SEMA3G: variants seen among roughly 807,000 people sequenced by gnomAD.
The protein encoded by SEMA3G is semaphorin-3G.
A neutral mutation model predicts 86.2 loss-of-function variants in SEMA3G; 70 were observed. That is an observed-to-expected ratio of 0.81 (90% CI 0.67 to 0.99). The LOEUF (loss-of-function observed/expected upper bound fraction) is 0.99. Among genes scored for constraint, SEMA3G ranks in the 50% least tolerant of loss-of-function variants. SEMA3G has a pLI of 0.00. For synonymous variants in SEMA3G, 416 were observed against 441.4 expected (o/e 0.94, Z 0.72); for missense variants, 1,002 against 1,072.4 (o/e 0.93, Z 0.92).
intron 9 of SEMA3G, 49 bp downstream of exon 9, chr3:52,440,705 G>A (rs1265277046): frequency 6.4e-7 from 1 of 1,556,904 alleles, no homozygotes; most frequent in East Asian, 2.3e-5. Context: ...ACCGAATCAG[G>A]GACAAAGACA....
At position 52,440,513 on chromosome 3, in the gene SEMA3G, A is replaced by T. The variant is rs202243271; in HGVS notation, c.1007T>A (p.Phe336Tyr). ...YALFSTVSAV[F>Y]QGFAVCVYHM... ...GTACACACAGACGGCGAAGCCCTGG[A>T]ACACGGCACTGCCGGGGCACATGGG... The change falls in exon 10 of 16, where the codon TTC becomes TAC. Residue 336 changes from phenylalanine (F) to tyrosine (Y), a missense_variant. Phe to Tyr is a conservative substitution (Grantham distance 22). Coordinates refer to ENST00000231721, the MANE Select transcript of SEMA3G (RefSeq NM_020163.3). 1.3e-5 allele frequency: 21 copies of T among 1,609,454 alleles called. No individual in the cohort carries two copies. Among genetic ancestry groups the T allele is most frequent in the Non-Finnish European group, 8.5e-7 (1 of 1,178,576 alleles).
At chr3:52,440,126 G>A in intron 10 of SEMA3G, 28 bp from the exon 11 acceptor site, 3 of 1,519,274 alleles carry the variant, frequency 2.0e-6, no homozygotes, top group Middle Eastern at 1.8e-4. Flanking sequence ...GGGAGTGCCT[G>A]AAGTATCCTG....
Position 52,444,859 on chromosome 3 carries a change from G to A in SEMA3G, c.115+54C>T, listed in dbSNP as rs904047035. 7.3e-6 allele frequency: 9 copies of A among 1,228,792 alleles called. No individual in the cohort carries two copies. The African/African-American group carries it at 8.0e-5, about 11-fold the overall frequency. 76.1% of individuals were successfully genotyped at this position (1,228,792 alleles called of 1,614,324 possible). On this transcript the variant is annotated intron_variant, in intron 1 of 15. Coordinates refer to ENST00000231721, the MANE Select transcript of SEMA3G (RefSeq NM_020163.3). ...CACGGCACATGCACCCAAACAGAGC[G>A]CACACACACAAACAGGGCACATGCA...
intron 12 of SEMA3G, 82 bp from the exon 13 acceptor site, chr3:52,439,043 C>G: frequency 6.7e-7 from 1 of 1,495,118 alleles, no homozygotes; most frequent in Non-Finnish European, 9.1e-7. Context: ...TCCTCCAACC[C>G]TGGGGTGGGA....
rs1419372302 is a variant in SEMA3G at position 52,440,099 on chromosome 3, C to T, written c.1144-1G>A. The T allele has an allele frequency of 1.0e-5, 16 of 1,572,460 alleles. No homozygotes were observed. Among genetic ancestry groups the T allele is most frequent in the African/African-American group, 1.4e-5 (1 of 73,864 alleles). On this transcript the variant is annotated splice_acceptor_variant, in intron 10 of 15. Coordinates refer to ENST00000231721, the MANE Select transcript of SEMA3G (RefSeq NM_020163.3). LOFTEE classifies it high-confidence loss of function. ...GCTGTGCGGTCATCTTGCTGGGGCACTGTGGGCAGCAGGGAAGGGAGTGCC... is the reference window on the plus strand; with the variant it reads ...GCTGTGCGGTCATCTTGCTGGGGCATTGTGGGCAGCAGGGAAGGGAGTGCC...
Position 52,435,391 on chromosome 3 carries a change from G to C in SEMA3G, c.*212C>G, listed in dbSNP as rs1314875903. ...CAGCAGCCAGAGGGTGCTGGCTCCA[G>C]CTGGGTCTAAGAGCACAGAGAAGGG... is the stretch of plus-strand genomic sequence containing the variant. On this transcript the variant is annotated 3_prime_UTR_variant, in exon 16 of 16. Transcript: ENST00000231721. 1.7e-6 allele frequency: 1 copy of C among 582,880 alleles called. No individual in the cohort carries two copies. The highest frequency in any genetic ancestry group is 3.0e-6 in the Non-Finnish European group (1 of 329,360). 36.1% of individuals were successfully genotyped at this position (582,880 alleles called of 1,614,324 possible).
intron 1 of SEMA3G, chr3:52,443,114 C>T: frequency 1.4e-6 from 2 of 1,425,116 alleles, no homozygotes; most frequent in Non-Finnish European, 1.9e-6. Context: ...CCACCTGGCC[C>T]AGCCTACCCT....
chr3:52,440,575 G>A (rs369258540), intron 9 of SEMA3G, 54 bp from the exon 10 acceptor site: 61 of 1,568,894 alleles, frequency 3.9e-5, no homozygotes, highest in Non-Finnish European at 5.2e-5. Flanking sequence ...GACAAGAAGG[G>A]AACAGCCTGG....
chr3:52,437,536 C>G lies in SEMA3G; in HGVS notation c.1869G>C (p.Gly623=). 1 of 1,612,460 alleles carries G rather than the reference C, an allele frequency of 6.2e-7. No individual in the cohort carries two copies. Among genetic ancestry groups the G allele is most frequent in the Non-Finnish European group, 8.5e-7 (1 of 1,179,594 alleles). ...GGGTCTCCTCACTCACCTGGTCAGG[C>G]CCCTCATCCCCTGGCCTCTGCAAGA... ...RWLLQRPGDE[G]PDQVKTDERV... The change falls in exon 15 of 16, where the codon GGG becomes GGC. Residue 623 remains glycine (G), a synonymous_variant. Coordinates refer to ENST00000231721, the MANE Select transcript of SEMA3G (RefSeq NM_020163.3).
At chr3:52,443,007 C>T in intron 1 of SEMA3G, 100 bp from the exon 2 acceptor site, 2 of 1,545,720 alleles carry the variant, frequency 1.3e-6, no homozygotes, top group Non-Finnish European at 1.7e-6. Flanking sequence ...CCACCCCTGA[C>T]ACACTCACAT....
chr3:52,441,001 G>A lies in SEMA3G; in HGVS notation c.861C>T (p.Phe287=). ...CCGAGCAGACCAGCCTGGCCTTGAG[G>A]AAAGTGCTCCATTTGTTCACCAGCA... ...QRVLVNKWST[F]LKARLVCSVP... Residue 287 remains phenylalanine (F), a synonymous_variant, in exon 8 of 16, where the codon TTC becomes TTT. Transcript: ENST00000231721. 1 of 1,605,204 alleles carries A rather than the reference G, an allele frequency of 6.2e-7. No homozygotes were observed. The highest frequency in any genetic ancestry group is 8.5e-7 in the Non-Finnish European group (1 of 1,179,588).
chr3:52,444,727 GGC>G (rs1706230476), intron 1 of SEMA3G, among the ~76,000 whole-genome samples, 184 bp downstream of exon 1: 1 of 4,918 alleles, frequency 2.0e-4, no homozygotes, highest in South Asian at 0.01. Context: ...ACACAAACAC[GGC>G]ACACGCAAAC....
In SEMA3G at chr3:52,439,971, C is replaced by T. The variant is rs139945135; in HGVS notation, c.1271G>A (p.Arg424His). 2.5e-5 allele frequency: 40 copies of T among 1,613,582 alleles called. No homozygotes were observed. In the Middle Eastern group the frequency reaches 6.6e-4, roughly 27 times the overall value. The change falls in exon 11 of 16, where the codon CGC (arginine) becomes CAC (histidine). Residue 424 changes from arginine (R) to histidine (H), a missense_variant. Physicochemically the swap from Arg to His is conservative, Grantham distance 29. Transcript: ENST00000231721. Reference protein sequence around the residue: ...MFWPVRPRHGRPVLVKTHLAQ... With the variant: ...MFWPVRPRHGHPVLVKTHLAQ... ...CAGGTGGGTCTTGACAAGGACAGGG[C>T]GGCCATGTCGAGGCCGCACAGGCCA...
At chr3:52,439,531 C>T (rs972073841) in intron 12 of SEMA3G, 149 bp downstream of exon 12, 1 of 660,098 alleles carries the variant, frequency 1.5e-6, no homozygotes, top group African/African-American at 1.8e-5. Flanking sequence ...GGGGGCATCT[C>T]TTTCTGCATC....
Position 52,441,662 on chromosome 3 carries a change from A to G in SEMA3G, c.579T>C (p.Ala193=). 2 of 1,613,772 alleles carry G rather than the reference A, an allele frequency of 1.2e-6. No individual in the cohort carries two copies. The highest frequency in any genetic ancestry group is 2.2e-5 in the South Asian group (2 of 91,092). ...TCATGGCCTCTCGCCCCAGGAAGTC[A>G]GCAGTGAGACCCGTGTACAGCTCCC... ...IDGELYTGLT[A]DFLGREAMIF... is the part of the protein sequence containing the mutation. The change falls in exon 6 of 16, where the codon GCT becomes GCC. Residue 193 remains alanine, a synonymous_variant. Transcript: ENST00000231721.
At position 52,442,048 on chromosome 3, in the gene SEMA3G, G is replaced by A; in HGVS notation, c.459+137C>T. On this transcript the variant is annotated intron_variant, in intron 4 of 15. Transcript: ENST00000231721. The surrounding 1 kb of genome is among the most constrained non-coding windows in gnomAD (Gnocchi z 6.1). ...GTCCTCATCCAGGGCCCCTCTAATG[G>A]GGTCAGCTCCCCAACACAAAGGCGC... is the stretch of plus-strand genomic sequence containing the variant. 1 of 1,365,206 alleles carries A rather than the reference G, an allele frequency of 7.3e-7. No individual in the cohort carries two copies. The highest frequency in any genetic ancestry group is 9.9e-7 in the Non-Finnish European group (1 of 1,006,848). 84.6% of individuals were successfully genotyped at this position (1,365,206 alleles called of 1,614,324 possible).
intron 1 of SEMA3G, among the ~76,000 whole-genome samples, 185 bp downstream of exon 1, chr3:52,444,725 ACGG>A (rs1559613237): frequency 0.3 from 3,759 of 12,490 alleles, 546 homozygotes; most frequent in Non-Finnish European, 0.33. Flanking sequence ...GCACACAAAC[ACGG>A]CACACGCAAA....
rs374890643 is a variant in SEMA3G at position 52,437,516 on chromosome 3, T to C, written c.1878+11A>G. 2.1e-5 allele frequency: 34 copies of C among 1,607,686 alleles called. No individual in the cohort carries two copies. In the African/African-American group the frequency reaches 2.4e-4, roughly 11 times the overall value. ...CACACAGAGGCTAGAGGCAGGGGTC[T>C]CCTCACTCACCTGGTCAGGCCCCTC... On this transcript the variant is annotated intron_variant, in intron 15 of 15. Transcript: ENST00000231721.
chr3:52,442,866 G>A lies in SEMA3G; in HGVS notation c.157C>T (p.Gln53Ter). ...ATGGCCTGGAGGTTCAGGGAGCCCT[G>A]GGGGCCCAGAAAGATGGCAGAGCGG... is the stretch of plus-strand genomic sequence containing the variant. ...ANRSAIFLGPQGSLNLQAMYL... is the reference protein window; with the variant it reads ...ANRSAIFLGP The change falls in exon 2 of 16, where the codon CAG becomes TAG. Residue 53 changes from glutamine (Q) to a stop codon, truncating the protein, a stop_gained. Coordinates refer to ENST00000231721, the MANE Select transcript of SEMA3G (RefSeq NM_020163.3). LOFTEE classifies it high-confidence loss of function. The surrounding 1 kb of genome is among the most constrained non-coding windows in gnomAD (Gnocchi z 6.1). The A allele has an allele frequency of 1.9e-6, 3 of 1,608,620 alleles. No individual in the cohort carries two copies. Among genetic ancestry groups the A allele is most frequent in the Non-Finnish European group, 2.5e-6 (3 of 1,177,538 alleles).
Sources: allele counts gnomAD v4.1 joint callset (sites outside exome capture counted in the v4.1 genomes callset), GRCh38; gene constraint gnomAD v4.1.1; non-coding constraint Gnocchi (gnomAD v3.1); transcripts MANE v1.5; gene names NCBI Gene and HGNC (gene_info 2026-07-23, HGNC 2026-07-21).